Variants in C18orf54 observed in about 807,000 individuals in gnomAD.
The protein encoded by C18orf54 is chromosome 18 open reading frame 54, also known as lung adenoma susceptibility protein 2.
Under a neutral mutation model 49.3 loss-of-function variants are expected in C18orf54, and 49 were observed. That is an observed-to-expected ratio of 0.99 (90% confidence interval 0.79 to 1.26). The LOEUF (loss-of-function observed/expected upper bound fraction) is 1.26. C18orf54 is among the 50% of genes most tolerant of loss of function. C18orf54 has a pLI of 0.00. For missense variants in C18orf54, 687 were observed against 620.6 expected, an observed-to-expected ratio of 1.11 and a Z score of -1.14; for synonymous variants, 211 against 216.6, an observed-to-expected ratio of 0.97 and a Z score of 0.23.
intron 7 of C18orf54, among the ~76,000 whole-genome samples, chr18:54,373,931 CATT>C (rs1428756311): frequency 2.6e-5 from 4 of 151,778 alleles, no homozygotes; most frequent in South Asian, 2.1e-4. Context: ...TTCTAAACAT[CATT>C]GAGATATAAG....
Position 54,370,932 on chromosome 18 carries a change from C to T in C18orf54, c.1327-1534C>T, listed in dbSNP as rs1477146998. ...TGTAGGAGTATATCCTAACTGGATC[C>T]TTTTACCCTGTTTTTTTTTTTTTCT... On this transcript the variant is annotated intron_variant, in intron 6 of 8. Coordinates refer to ENST00000620105, the MANE Select transcript of C18orf54 (RefSeq NM_001288980.2). Among the ~76,000 whole-genome samples, 3 of 148,594 alleles carry T rather than the reference C, an allele frequency of 2.0e-5. No homozygotes were observed. The East Asian group carries it at 6.0e-4, about 30-fold the overall frequency.
chr18:54,375,724 A>G (rs1438221166), intron 8 of C18orf54, among the ~76,000 whole-genome samples: 1 of 152,056 alleles, frequency 6.6e-6, no homozygotes, highest in Non-Finnish European at 1.5e-5. Flanking sequence ...TACTATAAGC[A>G]ATCAATAGTC....
intron 6 of C18orf54, among the ~76,000 whole-genome samples, chr18:54,371,565 A>G (rs773664664): frequency 1.1e-4 from 16 of 152,198 alleles, no homozygotes. Context: ...TGGAATTCCT[A>G]TACTGTTTTC....
intron 6 of C18orf54, among the ~76,000 whole-genome samples, chr18:54,370,232 G>A (rs1050222988): frequency 1.7e-4 from 26 of 149,866 alleles, no homozygotes; most frequent in Admixed American, 9.3e-4. Context: ...AGCCAAGATT[G>A]CGCCATTGCA....
Position 54,382,014 on chromosome 18 carries a change from A to G in C18orf54, c.*3768A>G, listed in dbSNP as rs973039798. The G allele has an allele frequency of 3.9e-5, 6 of 152,230 alleles. No individual in the cohort carries two copies. The highest frequency in any genetic ancestry group is 1.3e-4 in the Admixed American group (2 of 15,278). The allele number at this position is 152,230 out of a possible 1,614,324, so 9.4% of individuals were successfully genotyped here. On this transcript the variant is annotated 3_prime_UTR_variant, in exon 9 of 9. Coordinates refer to ENST00000620105, the MANE Select transcript of C18orf54 (RefSeq NM_001288980.2). ...ATATAAAGTTGTAAGTTCAAGATAA[A>G]GAGACCACATTCTTTACTCATGTGA...
rs1478487953 is a variant in C18orf54, at chr18:54,361,780, T to TA, written c.422dup (p.Tyr141Ter). 1.9e-6 allele frequency: 3 copies of TA among 1,614,056 alleles called. No individual in the cohort carries two copies. Among genetic ancestry groups the TA allele is most frequent in the Non-Finnish European group, 2.5e-6 (3 of 1,179,986 alleles). Residue 141 changes from tyrosine to a stop codon, truncating the protein, a stop_gained and frameshift_variant, in exon 4 of 9, where the codon TAT (tyrosine) becomes TAAT (stop). Coordinates refer to ENST00000620105, the MANE Select transcript of C18orf54 (RefSeq NM_001288980.2). LOFTEE classifies it high-confidence loss of function. The stretch of plus-strand genomic sequence containing the variant: ...AGCAGATGGATCATTTTCTTATACT[T>TA]ATGTTGGACCGAGTCACCGAACGAG... ...LPADGSFSYT[Y>*]VGPSHRTSKK...
intron 6 of C18orf54, among the ~76,000 whole-genome samples, chr18:54,369,487 TTG>T (rs551492435): frequency 0.21 from 20,547 of 97,202 alleles, 658 homozygotes; most frequent in Middle Eastern, 0.29. Context: ...TTTTTTTTTT[TTG>T]GAGACAGTCT....
chr18:54,360,676 A>G lies in C18orf54; in HGVS notation c.104A>G (p.Asp35Gly). 6.2e-7 allele frequency: 1 copy of G among 1,614,088 alleles called. No homozygotes were observed. Among genetic ancestry groups the G allele is most frequent in the South Asian group, 1.1e-5 (1 of 91,090 alleles). Residue 35 changes from aspartate (D) to glycine (G), a missense_variant, in exon 3 of 9, where the codon GAT (aspartate) becomes GGT (glycine). Coordinates refer to ENST00000620105, the MANE Select transcript of C18orf54 (RefSeq NM_001288980.2). Reference protein sequence around the residue: ...TLSGSNSSNSDGSFHYKDKLY... With the variant: ...TLSGSNSSNSGGSFHYKDKLY... ...AGTGGTAGTAATTCCTCTAATTCTG[A>G]TGGCTCGTTTCACTATAAAGATAAG...
chr18:54,374,848 A>G (rs2089543927), intron 8 of C18orf54, among the ~76,000 whole-genome samples: 1 of 152,058 alleles, frequency 6.6e-6, no homozygotes, highest in South Asian at 2.1e-4. Context: ...TCCTCAGAAG[A>G]TGGAATACTG....
intron 5 of C18orf54, chr18:54,363,934 T>G (rs1003399763): frequency 6.6e-6 from 1 of 152,134 alleles, no homozygotes; most frequent in African/African-American, 2.4e-5. Context: ...TTTACTTGAC[T>G]TCTCTAAACT....
chr18:54,377,939 G>A, intron 8 of C18orf54, among the ~76,000 whole-genome samples: 1 of 152,008 alleles, frequency 6.6e-6, no homozygotes, highest in Admixed American at 6.6e-5. Context: ...AAAAGTTAAT[G>A]TCAAAAAATA....
At chr18:54,375,676 A>G (rs1390029540) in intron 8 of C18orf54, among the ~76,000 whole-genome samples, 8 of 151,966 alleles carry the variant, frequency 5.3e-5, no homozygotes, top group African/African-American at 1.9e-4. Flanking sequence ...AAGTGCTTTT[A>G]CCATTTGCTA....
Position 54,360,852 on chromosome 18 carries a change from A to T in C18orf54, c.280A>T (p.Asn94Tyr). ...QFCNYIYKPN[N>Y]AFENLDHKKH... The stretch of plus-strand genomic sequence containing the variant: ...CTGCAACTATATTTACAAACCAAAC[A>T]ATGGTATGCTTTTATTCTTTGTTTT... The change falls in exon 3 of 9, where the codon AAT becomes TAT. Residue 94 changes from asparagine to tyrosine, a missense_variant. Physicochemically the swap from Asn to Tyr is moderately radical, Grantham distance 143 (BLOSUM62 -2). Coordinates refer to ENST00000620105, the MANE Select transcript of C18orf54 (RefSeq NM_001288980.2). 6.2e-7 allele frequency: 1 copy of T among 1,608,866 alleles called. No individual in the cohort carries two copies. The highest frequency in any genetic ancestry group is 1.1e-5 in the South Asian group (1 of 90,954).
chr18:54,370,322 A>G (rs1049311088), intron 6 of C18orf54, among the ~76,000 whole-genome samples: 1 of 152,112 alleles, frequency 6.6e-6, no homozygotes, highest in Non-Finnish European at 1.5e-5. Flanking sequence ...AAGTATTTAC[A>G]TACTGTTGAC....
intron 5 of C18orf54, chr18:54,364,125 A>G (rs2089330032): frequency 1.0e-5 from 1 of 98,434 alleles, no homozygotes; most frequent in Admixed American, 1.1e-4. Flanking sequence ...TTTCATATAT[A>G]TATGTTGAGA....
At chr18:54,374,337 C>A in intron 8 of C18orf54, 53 bp downstream of exon 8, 2 of 1,501,760 alleles carry the variant, frequency 1.3e-6, no homozygotes, top group Non-Finnish European at 1.8e-6. Flanking sequence ...ATTTCTTTGA[C>A]ATATGTAAAG....
At chr18:54,362,991 T>C (rs1408895786) in intron 5 of C18orf54, 70 bp downstream of exon 5, 1 of 1,404,266 alleles carries the variant, frequency 7.1e-7, no homozygotes, top group Non-Finnish European at 9.7e-7. Flanking sequence ...ATCTGATTTA[T>C]ATTTAAACGA....
chr18:54,370,876 G>A (rs901860861), intron 6 of C18orf54, among the ~76,000 whole-genome samples: 3 of 151,692 alleles, frequency 2.0e-5, no homozygotes, highest in East Asian at 3.9e-4. Context: ...AGATCATTTG[G>A]AGATTATGCC....
At position 54,362,040 on chromosome 18, in the gene C18orf54, C is replaced by A; in HGVS notation, c.681C>A (p.Asp227Glu). 1 of 1,574,878 alleles carries A rather than the reference C, an allele frequency of 6.3e-7. No homozygotes were observed. The highest frequency in any genetic ancestry group is 8.6e-7 in the Non-Finnish European group (1 of 1,160,664). ...LSFPKKSSFK[D>E]SSEHSLEKNY... ...TTCCCAAGAAATCGTCTTTCAAGGA[C>A]AGTTCAGAACACAGTCTTGAAAAGA... is the stretch of plus-strand genomic sequence containing the variant. Residue 227 changes from aspartate (D) to glutamate (E), a missense_variant, in exon 4 of 9, where the codon GAC becomes GAA. Physicochemically the swap from Asp to Glu is conservative, Grantham distance 45. Transcript: ENST00000620105.
Sources: gnomAD v4.1 joint callset for allele counts (sites outside exome capture counted in the v4.1 genomes callset) on GRCh38, gnomAD v4.1.1 for gene constraint, MANE v1.5 for transcripts, NCBI Gene and HGNC (gene_info 2026-07-23, HGNC 2026-07-21) for gene names.